Variants in CCDC196 observed in about 807,000 individuals in gnomAD.
CCDC196 encodes coiled-coil domain-containing protein 196.
At chr14:66,492,412 T>A (rs1248563002) in intron 8 of CCDC196, among the ~76,000 whole-genome samples, 1 of 151,352 alleles carries the variant, frequency 6.6e-6, no homozygotes, top group Non-Finnish European at 1.5e-5. Context: ...CTCAGCTCAC[T>A]GCTACCTCTG....
chr14:66,491,707 G>T, intron 7 of CCDC196, 22 bp downstream of exon 7: 1 of 413,684 alleles, frequency 2.4e-6, no homozygotes, highest in Non-Finnish European at 4.4e-6. Context: ...TTCCAAGGCT[G>T]GATATAGGAT....
intron 4 of CCDC196, 98 bp downstream of exon 4, chr14:66,489,135 T>TGC (rs1281391409): frequency 2.4e-6 from 1 of 411,268 alleles, no homozygotes; most frequent in East Asian, 3.6e-5. Flanking sequence ...TTCATGTCCT[T>TGC]GCTTCCACCC....
intron 8 of CCDC196, among the ~76,000 whole-genome samples, chr14:66,497,029 G>A (rs2057682763): frequency 6.6e-6 from 1 of 152,086 alleles, no homozygotes; most frequent in Non-Finnish European, 1.5e-5. Context: ...TCTTCCTGAT[G>A]GCTGAACTAC....
intron 2 of CCDC196, among the ~76,000 whole-genome samples, chr14:66,487,425 TCAAGCACCAGCTGCTTACAACTCAGCAA>T (rs2057432876): frequency 6.6e-6 from 1 of 152,236 alleles, no homozygotes; most frequent in African/African-American, 2.4e-5. Context: ...AAAGTTGTGG[TCAAGCACCAGCTGCTTACAACTCAGCAA>T]CAAGCACCAG....
At chr14:66,495,380 T>C (rs761737735) in intron 8 of CCDC196, among the ~76,000 whole-genome samples, 3 of 152,208 alleles carry the variant, frequency 2.0e-5, no homozygotes, top group Non-Finnish European at 2.9e-5. Context: ...GCTGAGAACT[T>C]AATACCTTGT....
intron 7 of CCDC196, 126 bp downstream of exon 7, chr14:66,491,811 T>G (rs2057543910): frequency 2.4e-6 from 1 of 411,802 alleles, no homozygotes; most frequent in Non-Finnish European, 4.4e-6. Context: ...CTAAAACAAA[T>G]GTATCATAGA....
In CCDC196 at chr14:66,486,813, C is replaced by T. The variant is rs528113466; in HGVS notation, c.203+4C>T. The T allele has an allele frequency of 2.4e-5, 10 of 412,984 alleles. No individual in the cohort carries two copies. Among genetic ancestry groups the T allele is most frequent in the East Asian group, 1.4e-4 (4 of 28,062 alleles). 25.6% of individuals were successfully genotyped at this position (412,984 alleles called of 1,614,324 possible). A position where few individuals can be genotyped will look rare whatever the true frequency, so the allele number is the denominator to read the frequency against. On this transcript the variant is annotated splice_donor_region_variant and intron_variant, in intron 2 of 9. Coordinates refer to ENST00000636229, the MANE Select transcript of CCDC196 (RefSeq NM_001351576.1). ...ACTTGGAGGAAAAACAAAGGAGGTACGGGCTCTTACTCTGGATTCCTAGAG... is the reference window on the plus strand; with the variant it reads ...ACTTGGAGGAAAAACAAAGGAGGTATGGGCTCTTACTCTGGATTCCTAGAG...
At chr14:66,489,350 A>G (rs775825164) in intron 4 of CCDC196, among the ~76,000 whole-genome samples, 2 of 152,144 alleles carry the variant, frequency 1.3e-5, no homozygotes, top group African/African-American at 2.4e-5. Flanking sequence ...GGTTTCTCAA[A>G]CATGCCAAGC....
chr14:66,491,541 T>C (rs2057535776), intron 6 of CCDC196, 85 bp from the exon 7 acceptor site: 3 of 412,784 alleles, frequency 7.3e-6, no homozygotes, highest in Non-Finnish European at 1.3e-5. Flanking sequence ...ACTATAATTT[T>C]GCTATAAGGC....
intron 2 of CCDC196, among the ~76,000 whole-genome samples, chr14:66,487,819 T>G (rs747782670): frequency 2.2e-4 from 34 of 152,270 alleles, no homozygotes; most frequent in Non-Finnish European, 4.3e-4. Flanking sequence ...CTTCAACCTC[T>G]TCTTATAAAG....
chr14:66,497,343 G>C (rs1345032672), intron 8 of CCDC196, among the ~76,000 whole-genome samples: 1 of 152,048 alleles, frequency 6.6e-6, no homozygotes, highest in Non-Finnish European at 1.5e-5. Context: ...TTTGAAGCTT[G>C]ACAAAATAAA....
intron 8 of CCDC196, chr14:66,496,328 G>C (rs1260014439): frequency 2.2e-6 from 1 of 456,076 alleles, no homozygotes; most frequent in Non-Finnish European, 4.4e-6. Context: ...AGTTGCAGTG[G>C]TATGATCTGT....
At chr14:66,486,891 A>C (rs1195715454) in intron 2 of CCDC196, 82 bp downstream of exon 2, 1 of 267,500 alleles carries the variant, frequency 3.7e-6, no homozygotes, top group African/African-American at 2.3e-5. Context: ...ATTACTTACA[A>C]TTTTTTTTTT....
chr14:66,489,851 T>C (rs972931906), intron 4 of CCDC196, among the ~76,000 whole-genome samples: 2 of 151,922 alleles, frequency 1.3e-5, no homozygotes, highest in Non-Finnish European at 2.9e-5. Flanking sequence ...AGCCAGGGAG[T>C]AGGGGGAAGG....
intron 2 of CCDC196, among the ~76,000 whole-genome samples, chr14:66,487,904 C>T (rs1392927739): frequency 6.6e-6 from 1 of 152,122 alleles, no homozygotes; most frequent in Non-Finnish European, 1.5e-5. Context: ...AAGGACTCTC[C>T]CTGGCTGTTG....
rs1191856766 is a variant in CCDC196 at position 66,486,382 on chromosome 14, G to C, written c.-121G>C. On this transcript the variant is annotated 5_prime_UTR_variant, in exon 1 of 10. Transcript: ENST00000636229. The stretch of plus-strand genomic sequence containing the variant: ...GCCATTGTGACCTCGCTGTAGCTAA[G>C]ATCAGTCCACTGCAGCAGGAGTTTC... 2 of 397,232 alleles carry C rather than the reference G, an allele frequency of 5.0e-6. No homozygotes were observed. Among genetic ancestry groups the C allele is most frequent in the African/African-American group, 4.1e-5 (2 of 48,608 alleles). The allele number at this position is 397,232 out of a possible 1,614,324, so 24.6% of individuals were successfully genotyped here.
chr14:66,490,199 T>C (rs548855736), intron 4 of CCDC196, among the ~76,000 whole-genome samples: 1 of 148,348 alleles, frequency 6.7e-6, no homozygotes, highest in African/African-American at 2.6e-5. Flanking sequence ...ATCCAGCTTC[T>C]ACAGAGCTCT....
intron 8 of CCDC196, among the ~76,000 whole-genome samples, chr14:66,494,150 C>G (rs1470666263): frequency 1.3e-5 from 2 of 152,310 alleles, no homozygotes; most frequent in East Asian, 3.9e-4. Flanking sequence ...TGATAGGGTA[C>G]TATACGGCTT....
intron 8 of CCDC196, among the ~76,000 whole-genome samples, chr14:66,493,480 ATTGT>A (rs1318596746): frequency 1.3e-5 from 2 of 152,200 alleles, no homozygotes; most frequent in Non-Finnish European, 2.9e-5. Flanking sequence ...GGGGCAGGAC[ATTGT>A]TTGTGTGATG....
Sources: gnomAD v4.1 joint callset for allele counts (sites outside exome capture counted in the v4.1 genomes callset) on GRCh38, gnomAD v4.1.1 for gene constraint, MANE v1.5 for transcripts, NCBI Gene and HGNC (gene_info 2026-07-23, HGNC 2026-07-21) for gene names.